Variants in PPOX observed in about 807,000 individuals in gnomAD.
The protein encoded by PPOX is protoporphyrinogen oxidase.
In PPOX, 23 loss-of-function variants were observed where a neutral mutation model predicts 54.1. The ratio of observed to expected loss-of-function variants is 0.43; its 90% confidence interval spans 0.31 to 0.60. The LOEUF (loss-of-function observed/expected upper bound fraction) is 0.60. Ranked by LOEUF, PPOX falls within the 20% of genes least tolerant of loss-of-function variation. The pLI is 0.13. For missense variants in PPOX, 512 were observed against 601.1 expected (o/e 0.85, Z 1.55); for synonymous variants, 224 against 236.1 (o/e 0.95, Z 0.47).
At chr1:161,173,482 G>A (rs749784032), downstream of PPOX, 21 of 1,391,958 alleles carry the variant, frequency 1.5e-5, no homozygotes, top group Admixed American at 1.9e-4. Context: ...TAAGGGAAAG[G>A]AATGGGCTCA....
Position 161,169,125 on chromosome 1 carries a change from G to C in PPOX, c.749G>C (p.Ser250Thr). The C allele has an allele frequency of 1.9e-6, 3 of 1,614,230 alleles. No homozygotes were observed. Among genetic ancestry groups the C allele is most frequent in the South Asian group, 1.1e-5 (1 of 91,088 alleles). ...LETHLTSRGV[S>T]VLRGQPVCGL... ...ACCCACCTGACTAGTAGGGGGGTCA[G>C]TGTTCTCAGAGGCCAGCCGGTCTGT... The change falls in exon 7 of 13, where the codon AGT becomes ACT. Residue 250 changes from serine to threonine, a missense_variant. Transcript: ENST00000367999.
Position 161,171,103 on chromosome 1 carries a change from T to G in PPOX, c.1361T>G (p.Val454Gly), listed in dbSNP as rs767686517. ...CTGGCTGGAGCCTCCTATGAGGGAG[T>G]TGCTGTTAATGACTGTATAGAGAGT... Reference protein sequence around the residue: ...LTLAGASYEGVAVNDCIESGR... With the variant: ...LTLAGASYEGGAVNDCIESGR... Residue 454 changes from valine (V) to glycine (G), a missense_variant, in exon 13 of 13, where the codon GTT becomes GGT. Coordinates refer to ENST00000367999, the MANE Select transcript of PPOX (RefSeq NM_001122764.3). The G allele has an allele frequency of 1.2e-6, 2 of 1,613,840 alleles. No individual in the cohort carries two copies. The highest frequency in any genetic ancestry group is 1.7e-6 in the Non-Finnish European group (2 of 1,180,008).
At chr1:161,176,130 GA>G, downstream of PPOX, 1 of 1,579,532 alleles carries the variant, frequency 6.3e-7, no homozygotes, top group Non-Finnish European at 8.7e-7. Flanking sequence ...AGCCAGCAGA[GA>G]GGTCAGTAGG....
At position 161,170,634 on chromosome 1, in the gene PPOX, T is replaced by G; in HGVS notation, c.1113T>G (p.Gly371=). Residue 371 remains glycine, a synonymous_variant, in exon 11 of 13, where the codon GGT becomes GGG. Coordinates refer to ENST00000367999, the MANE Select transcript of PPOX (RefSeq NM_001122764.3). ...PGLRVTVMLG[G]SWLQTLEASG... ...TCCCTCCTTAGGTGATGCTGGGAGG[T>G]TCCTGGTTACAGACACTGGAGGCTA... is the stretch of plus-strand genomic sequence containing the variant. 3 of 1,614,134 alleles carry G rather than the reference T, an allele frequency of 1.9e-6. No individual in the cohort carries two copies. Among genetic ancestry groups the G allele is most frequent in the Non-Finnish European group, 2.5e-6 (3 of 1,180,032 alleles).
rs75856547 is a variant in PPOX at position 161,170,785 on chromosome 1, C to A, written c.1248+16C>A. ...TCTACACAAGGTAAGTTGGGATAAA[C>A]TTCCCTCAGCTCTCCACTGAAGGCC... is the stretch of plus-strand genomic sequence containing the variant. On this transcript the variant is annotated intron_variant, in intron 11 of 12. Transcript: ENST00000367999. The A allele has an allele frequency of 2.9e-4, 472 of 1,614,124 alleles. 4 individuals are homozygous for A. The African/African-American group carries it at 5.7e-3, about 19-fold the overall frequency.
rs1571367836 is a variant in PPOX at position 161,169,036 on chromosome 1, G to T, written c.660G>T (p.Leu220Phe). ...ACTCAGCACTCATTCGCCAGGCCTTGGCTGAGCGCTGGAGCCAGTGGTCAC... is the reference window on the plus strand; with the variant it reads ...ACTCAGCACTCATTCGCCAGGCCTTTGCTGAGCGCTGGAGCCAGTGGTCAC... ...QPDSALIRQA[L>F]AERWSQWSLR... Residue 220 changes from leucine (L) to phenylalanine (F), a missense_variant, in exon 7 of 13, where the codon TTG becomes TTT. By Grantham distance (22) the Leu-to-Phe change is conservative (BLOSUM62 0). Coordinates refer to ENST00000367999, the MANE Select transcript of PPOX (RefSeq NM_001122764.3). The T allele has an allele frequency of 6.2e-7, 1 of 1,614,194 alleles. No homozygotes were observed. The highest frequency in any genetic ancestry group is 8.5e-7 in the Non-Finnish European group (1 of 1,180,040).
At chr1:161,170,063 A>ACAC (rs765178336) in intron 9 of PPOX, 39 bp downstream of exon 9, 2 of 1,587,086 alleles carry the variant, frequency 1.3e-6, no homozygotes, top group East Asian at 4.6e-5. Context: ...ATGGTGGCTC[A>ACAC]CACCTGTAAT....
downstream of PPOX, chr1:161,171,813 G>T (rs1207934924): frequency 1.2e-6 from 2 of 1,613,774 alleles, no homozygotes; most frequent in Admixed American, 3.3e-5. Context: ...CAGGAAGGAG[G>T]AGTCAGTGTG....
Position 161,166,975 on chromosome 1 carries a change from C to T in PPOX, c.87+41C>T, listed in dbSNP as rs1172057896. The T allele has an allele frequency of 8.1e-6, 13 of 1,611,354 alleles. No individual in the cohort carries two copies. In the East Asian group the frequency reaches 2.9e-4, roughly 36 times the overall value. ...GTGCCAGAGGGAGCTTCATTTAATG[C>T]TCTTCCCATTTCCATCAAAAGCTAG... is the stretch of plus-strand genomic sequence containing the variant. On this transcript the variant is annotated intron_variant, in intron 2 of 12. Transcript: ENST00000367999.
At chr1:161,174,975 G>T, downstream of PPOX, 1 of 1,609,372 alleles carries the variant, frequency 6.2e-7, no homozygotes, top group South Asian at 1.1e-5. Context: ...GTCAAAATGA[G>T]GTGGAGATTG....
downstream of PPOX, chr1:161,173,601 T>A: frequency 6.2e-7 from 1 of 1,613,776 alleles, no homozygotes; most frequent in East Asian, 2.2e-5. Context: ...GCAGGAAGTC[T>A]GACCTGGTAG....
chr1:161,167,169 A>C lies in PPOX; in HGVS notation c.157A>C (p.Ile53Leu), dbSNP rs1171102735. The change falls in exon 3 of 13, where the codon ATC becomes CTC. Residue 53 changes from isoleucine to leucine, a missense_variant. Coordinates refer to ENST00000367999, the MANE Select transcript of PPOX (RefSeq NM_001122764.3). Reference sequence around the variant, plus strand: ...CTCCGTTCGAGGCCCTAATGGTGCTATCTTTGAGCTTGGACCTCGGGGAAT... The same window carrying C: ...CTCCGTTCGAGGCCCTAATGGTGCTCTCTTTGAGCTTGGACCTCGGGGAAT... Reference protein sequence around the residue: ...IRSVRGPNGAIFELGPRGIRP... With the variant: ...IRSVRGPNGALFELGPRGIRP... 6.2e-7 allele frequency: 1 copy of C among 1,614,098 alleles called. No homozygotes were observed. The highest frequency in any genetic ancestry group is 2.2e-5 in the East Asian group (1 of 44,876).
At chr1:161,173,557 A>C, downstream of PPOX, 1 of 1,612,108 alleles carries the variant, frequency 6.2e-7, no homozygotes, top group Non-Finnish European at 8.5e-7. Context: ...CTTAGAGGAC[A>C]GGGATCCAGA....
At chr1:161,169,366 C>A in intron 7 of PPOX, 183 bp downstream of exon 7, 1 of 765,032 alleles carries the variant, frequency 1.3e-6, no homozygotes, top group Non-Finnish European at 2.1e-6. Flanking sequence ...AGAGCCTATG[C>A]AAGTCTGTGG....
At chr1:161,177,471 C>G (rs572342747), downstream of PPOX, 1 of 172,950 alleles carries the variant, frequency 5.8e-6, no homozygotes, top group South Asian at 1.2e-4. Flanking sequence ...GCCGGGCAGG[C>G]ATCGCTGCCG....
At chr1:161,175,121 G>A (rs756427132), downstream of PPOX, 8 of 1,613,980 alleles carry the variant, frequency 5.0e-6, no homozygotes, top group Non-Finnish European at 6.8e-6. Context: ...CGGGAGCGGG[G>A]CTCACAACCT....
At chr1:161,172,437 A>G, downstream of PPOX, 1 of 937,972 alleles carries the variant, frequency 1.1e-6, no homozygotes, top group Middle Eastern at 3.4e-4. Flanking sequence ...TTAGTAGGCA[A>G]AAGAAAAAAA....
chr1:161,176,284 G>A (rs766438451), intron 4 of PPOX: 23 of 618,478 alleles, frequency 3.7e-5, no homozygotes, highest in Non-Finnish European at 5.3e-5. Flanking sequence ...CCCAAGTTTC[G>A]CTCTCCTCTA....
chr1:161,171,718 T>C, downstream of PPOX: 1 of 1,498,944 alleles, frequency 6.7e-7, no homozygotes, highest in East Asian at 2.3e-5. Flanking sequence ...CAGAGTTCAG[T>C]TCCCTCACAT....
Sources: gnomAD v4.1 joint callset for allele counts on GRCh38, gnomAD v4.1.1 for gene constraint, MANE v1.5 for transcripts, NCBI Gene and HGNC (gene_info 2026-07-23, HGNC 2026-07-21) for gene names.